The following DNAJB6 variants were observed in gnomAD, a reference collection of about 807,000 sequenced individuals.
DNAJB6 encodes the protein DnaJ heat shock protein family (Hsp40) member B6, also known as dnaJ homolog subfamily B member 6.
Under a neutral mutation model 42.7 loss-of-function variants are expected in DNAJB6, and 16 were observed. The observed-to-expected ratio is 0.37, with a 90% CI of 0.25 to 0.57. DNAJB6 has a LOEUF of 0.57. Ranked by LOEUF, DNAJB6 falls within the 20% of genes least tolerant of loss-of-function variation. DNAJB6 has a pLI of 0.74. For missense variants in DNAJB6, 347 were observed against 416.8 expected (o/e 0.83, Z 1.46); for synonymous variants, 170 against 163.5 (o/e 1.04, Z -0.30).
chr7:157,366,454 A>T, intron 3 of DNAJB6, 48 bp from the exon 4 acceptor site: 1 of 1,528,606 alleles, frequency 6.5e-7, no homozygotes. Context: ...TATTGAATTA[A>T]GGGTTTAAAA....
At chr7:157,360,109 C>T (rs148079335) in intron 2 of DNAJB6, among the ~76,000 whole-genome samples, 140 of 152,314 alleles carry the variant, frequency 9.2e-4, no homozygotes, top group African/African-American at 3.2e-3. Flanking sequence ...TCTGTTTTTA[C>T]GCTGCTGATA....
At chr7:157,404,511 C>CTTTTT (rs1460990185) in intron 8 of DNAJB6, among the ~76,000 whole-genome samples, 1 of 58,552 alleles carries the variant, frequency 1.7e-5, no homozygotes. Context: ...TGTCTTTTTT[C>CTTTTT]TTTTCTTTTT....
intron 3 of DNAJB6, among the ~76,000 whole-genome samples, chr7:157,365,240 C>G (rs1799785549): frequency 1.3e-5 from 2 of 152,266 alleles, no homozygotes; most frequent in South Asian, 4.1e-4. Context: ...AGGCGTTAGC[C>G]ACTGCATCCA....
In DNAJB6 at chr7:157,411,692, C is replaced by T. The variant is rs187073634; in HGVS notation, c.898+1691C>T. The T allele has an allele frequency of 1.0e-3, 155 of 152,276 alleles. 1 individual carries two copies. The highest frequency in any genetic ancestry group is 1.4e-3 in the Non-Finnish European group (97 of 68,020). 9.4% of individuals were successfully genotyped at this position (152,276 alleles called of 1,614,324 possible). On this transcript the variant is annotated intron_variant, in intron 9 of 9. Transcript: ENST00000262177. ...GAACGTGGTGTGCAGGTGCGGGCCG[C>T]CTGGGGGAGCCATGTTTAAAGTGCG... is the stretch of plus-strand genomic sequence containing the variant.
chr7:157,353,162 A>G (rs895393727), intron 1 of DNAJB6, among the ~76,000 whole-genome samples: 1 of 150,506 alleles, frequency 6.6e-6, no homozygotes, highest in Non-Finnish European at 1.5e-5. Flanking sequence ...TGCTGGGCTC[A>G]TGCAGTTTGT....
At chr7:157,409,768 G>A in intron 8 of DNAJB6, 27 bp from the exon 9 acceptor site, 2 of 1,503,154 alleles carry the variant, frequency 1.3e-6, no homozygotes, top group South Asian at 1.2e-5. Context: ...CTCACTCACG[G>A]CTCTCTCTCT....
At chr7:157,343,954 T>A (rs959775166) in intron 1 of DNAJB6, among the ~76,000 whole-genome samples, 10 of 152,348 alleles carry the variant, frequency 6.6e-5, no homozygotes, top group Non-Finnish European at 7.3e-5. Flanking sequence ...ATATTTTTTC[T>A]TAATTTCTTA....
At chr7:157,337,602 C>G (rs1487111499) in intron 1 of DNAJB6, 1 of 152,092 alleles carries the variant, frequency 6.6e-6, no homozygotes, top group East Asian at 1.9e-4. Flanking sequence ...GCAGCCGTGC[C>G]GCCAAGTTCG....
chr7:157,390,528 C>T (rs779350009), intron 8 of DNAJB6, among the ~76,000 whole-genome samples: 1 of 152,192 alleles, frequency 6.6e-6, no homozygotes, highest in African/African-American at 2.4e-5. Context: ...ACTTGCAAAA[C>T]CATAGAGACC....
chr7:157,414,555 T>C lies in DNAJB6; in HGVS notation c.899-1461T>C, dbSNP rs550515557. On this transcript the variant is annotated intron_variant, in intron 9 of 9. Coordinates refer to ENST00000262177, the MANE Select transcript of DNAJB6 (RefSeq NM_058246.4). ...GTTCTTTCTTTCCGTAACCGTAGCTTGAGGCACATTTCCTAAATATGCAGC... is the reference window on the plus strand; with the variant it reads ...GTTCTTTCTTTCCGTAACCGTAGCTCGAGGCACATTTCCTAAATATGCAGC... The C allele has an allele frequency of 2.4e-4, 37 of 152,398 alleles. 1 individual carries two copies. The highest frequency in any genetic ancestry group is 8.7e-4 in the African/African-American group (36 of 41,602). 9.4% of individuals were successfully genotyped at this position (152,398 alleles called of 1,614,324 possible). A position where few individuals can be genotyped will look rare whatever the true frequency, so the allele number is the denominator to read the frequency against.
chr7:157,382,216 T>A (rs776104560), intron 5 of DNAJB6, 30 bp from the exon 6 acceptor site: 2 of 1,559,558 alleles, frequency 1.3e-6, no homozygotes, highest in Admixed American at 4.4e-5. Context: ...AAAAAAAGAC[T>A]TCATAGTGTG....
intron 8 of DNAJB6, among the ~76,000 whole-genome samples, chr7:157,394,906 G>A (rs527709545): frequency 8.5e-5 from 13 of 152,236 alleles, no homozygotes; most frequent in South Asian, 2.1e-4. Flanking sequence ...CCTGGGCAAC[G>A]TGGTGAGACT....
rs138859372 is a variant in DNAJB6, at chr7:157,355,943, C to T, written c.-26-2604C>T. The stretch of plus-strand genomic sequence containing the variant: ...GCCCTCACCCACACCCACGTTCTCA[C>T]CTCTGTGCTCACTGCCTCGGGAGGT... On this transcript the variant is annotated intron_variant, in intron 1 of 9. Transcript: ENST00000262177. 1.6e-3 allele frequency among the ~76,000 whole-genome samples: 243 copies of T among 152,360 alleles called. 2 individuals carry two copies. Among genetic ancestry groups the T allele is most frequent in the Admixed American group, 4.7e-3 (72 of 15,304 alleles).
At chr7:157,344,811 C>T (rs995210863) in intron 1 of DNAJB6, among the ~76,000 whole-genome samples, 1 of 151,976 alleles carries the variant, frequency 6.6e-6, no homozygotes, top group African/African-American at 2.4e-5. Context: ...CAAGATTTTG[C>T]TGTGTTACTC....
intron 8 of DNAJB6, among the ~76,000 whole-genome samples, chr7:157,395,748 G>A (rs1316993321): frequency 6.7e-6 from 1 of 148,730 alleles, no homozygotes; most frequent in Non-Finnish European, 1.5e-5. Context: ...ACAGTGGGGC[G>A]ATCTCGGCTC....
intron 1 of DNAJB6, among the ~76,000 whole-genome samples, chr7:157,341,138 G>T (rs901986354): frequency 1.3e-5 from 2 of 151,738 alleles, no homozygotes; most frequent in African/African-American, 4.8e-5. Context: ...AGATTTTTTT[G>T]TTGTTGTTGA....
At chr7:157,341,841 A>G (rs1798404475) in intron 1 of DNAJB6, among the ~76,000 whole-genome samples, 1 of 152,218 alleles carries the variant, frequency 6.6e-6, no homozygotes, top group Admixed American at 6.5e-5. Flanking sequence ...AATAAGTTTC[A>G]GCAGCACTGG....
chr7:157,368,742 T>C (rs1282893895), intron 5 of DNAJB6: 3 of 158,880 alleles, frequency 1.9e-5, no homozygotes, highest in Admixed American at 6.0e-5. Context: ...TGTAGTTGTT[T>C]TTGTCTTTTG....
intron 5 of DNAJB6, chr7:157,381,335 C>A (rs1275995674): frequency 6.6e-6 from 1 of 152,036 alleles, no homozygotes; most frequent in African/African-American, 2.4e-5. Flanking sequence ...CTTAATGCAC[C>A]TATTAGGATT....
Sources: gnomAD v4.1 joint callset for allele counts (sites outside exome capture counted in the v4.1 genomes callset) on GRCh38, gnomAD v4.1.1 for gene constraint, MANE v1.5 for transcripts, NCBI Gene and HGNC (gene_info 2026-07-23, HGNC 2026-07-21) for gene names.